The following CACNA1D variants were observed in gnomAD, a reference collection of about 807,000 sequenced individuals.
The protein encoded by CACNA1D is voltage-dependent L-type calcium channel subunit alpha-1D.
Under a neutral mutation model 257.1 loss-of-function variants are expected in CACNA1D, and 55 were observed. The ratio of observed to expected loss-of-function variants is 0.21; its 90% CI spans 0.17 to 0.27. The LOEUF (loss-of-function observed/expected upper bound fraction) is 0.27, where lower values mean the gene tolerates loss of function less well. CACNA1D is among the 10% of genes least tolerant of loss of function. CACNA1D has a pLI of 1.00. For synonymous variants in CACNA1D, 980 were observed against 1,014.9 expected (o/e 0.97, Z 0.65); for missense variants, 1,876 against 2,784.0 (o/e 0.67, Z 7.34).
intron 3 of CACNA1D, among the ~76,000 whole-genome samples, chr3:53,639,859 CTTTTTT>C (rs34925431): frequency 9.8e-6 from 1 of 102,066 alleles, no homozygotes. Flanking sequence ...TCATTTCTTA[CTTTTTT>C]TTTTTTTTTT....
chr3:53,789,507 GA>G lies in CACNA1D; in HGVS notation c.4923+2559del. On this transcript the variant is annotated intron_variant, in intron 40 of 47. Transcript: ENST00000350061. The surrounding 1 kb of genome is among the most constrained non-coding windows in gnomAD (Gnocchi z 4.2). ...TACCGGGTGACGATGTAGCAGTTAG[GA>G]AAATTTGGTGGGACGGCAGTGGGAG... Among the ~76,000 whole-genome samples the G allele has an allele frequency of 6.6e-6, 1 of 152,226 alleles. No individual in the cohort carries two copies. The highest frequency in any genetic ancestry group is 1.9e-4 in the East Asian group (1 of 5,194).
At chr3:53,524,601 A>G (rs769000962) in intron 3 of CACNA1D, among the ~76,000 whole-genome samples, 7 of 152,254 alleles carry the variant, frequency 4.6e-5, no homozygotes, top group Admixed American at 1.3e-4. Context: ...GGGATGTGAC[A>G]TAGGTCAGGG....
intron 3 of CACNA1D, among the ~76,000 whole-genome samples, chr3:53,519,688 A>G (rs530419165): frequency 5.9e-5 from 9 of 152,360 alleles, no homozygotes; most frequent in Non-Finnish European, 8.8e-5. Flanking sequence ...AATTTAAATC[A>G]TACAATTCAG....
At chr3:53,608,726 A>G (rs1000550949) in intron 3 of CACNA1D, among the ~76,000 whole-genome samples, 1 of 152,232 alleles carries the variant, frequency 6.6e-6, no homozygotes, top group Non-Finnish European at 1.5e-5. Context: ...CGTATCTATT[A>G]GAATGGTCAT....
rs1343986409 is a variant in CACNA1D at position 53,555,469 on chromosome 3, T to G, written c.483+53749T>G. 1.8e-3 allele frequency among the ~76,000 whole-genome samples: 271 copies of G among 147,550 alleles called. 2 individuals are homozygous for G. The highest frequency in any genetic ancestry group is 6.8e-3 in the Middle Eastern group (2 of 292). On this transcript the variant is annotated intron_variant, in intron 3 of 47. Transcript: ENST00000350061. ...GTGTGTGTGTGTGTGTGTTTTTTTT[T>G]TTTTTTTTTTTTTCTGAGGTACTTC...
rs1461864281 is a variant in CACNA1D, at chr3:53,495,227, G to A, written c.61G>A (p.Ala21Thr). ...QHQRQQQADH[A>T]NEANYARGTR... ...TCAACGGCAGCAGCAAGCGGACCAC[G>A]CGAACGGTGAGCAGCCAGAGCCCGG... The change falls in exon 1 of 48, where the codon GCG becomes ACG. Residue 21 changes from alanine to threonine, a missense_variant. Ala to Thr is a moderately conservative substitution (Grantham distance 58). This residue lies in a region of CACNA1D where 143 missense variants were observed against 168.7 expected (regional missense o/e 0.85). Transcript: ENST00000350061. The surrounding 1 kb of genome is among the most constrained non-coding windows in gnomAD (Gnocchi z 5.1). 2.5e-6 allele frequency: 4 copies of A among 1,613,694 alleles called. No homozygotes were observed. In the East Asian group the frequency reaches 6.7e-5, roughly 27 times the overall value.
intron 5 of CACNA1D, among the ~76,000 whole-genome samples, chr3:53,662,941 G>T (rs2094219282): frequency 6.6e-6 from 1 of 152,184 alleles, no homozygotes. Flanking sequence ...TAGAAACCTG[G>T]CCATGGGGAT....
At chr3:53,617,525 G>A (rs1287485068) in intron 3 of CACNA1D, among the ~76,000 whole-genome samples, 1 of 152,168 alleles carries the variant, frequency 6.6e-6, no homozygotes, top group Non-Finnish European at 1.5e-5. Flanking sequence ...TGCCTGTAAA[G>A]TACTTAGCAT....
intron 3 of CACNA1D, among the ~76,000 whole-genome samples, chr3:53,538,092 T>C (rs2092167667): frequency 6.6e-6 from 1 of 151,916 alleles, no homozygotes; most frequent in Non-Finnish European, 1.5e-5. Context: ...TTCTGTGACA[T>C]TTATTGGCTT....
chr3:53,730,639 C>T (rs559364663), intron 16 of CACNA1D, 83 bp downstream of exon 16: 8 of 1,029,496 alleles, frequency 7.8e-6, no homozygotes, highest in South Asian at 4.0e-5. Flanking sequence ...GGCTTACCCC[C>T]GCATCACGGC....
At chr3:53,687,518 TAAA>T (rs11297779) in intron 8 of CACNA1D, among the ~76,000 whole-genome samples, 37 of 148,048 alleles carry the variant, frequency 2.5e-4, no homozygotes, top group African/African-American at 7.9e-4. Context: ...TCTTTTTAGT[TAAA>T]AAAAAAAAAA....
At chr3:53,758,335 AG>A (rs753627450) in intron 29 of CACNA1D, among the ~76,000 whole-genome samples, 8 of 152,220 alleles carry the variant, frequency 5.3e-5, no homozygotes, top group Non-Finnish European at 1.0e-4. Flanking sequence ...CAATGACAAA[AG>A]GCACATTATT....
At chr3:53,559,669 C>G (rs962892274) in intron 3 of CACNA1D, among the ~76,000 whole-genome samples, 2 of 152,164 alleles carry the variant, frequency 1.3e-5, no homozygotes, top group African/African-American at 4.8e-5. Context: ...AGGGTCGGAT[C>G]CACAACGAAG....
rs1457280096 is a variant in CACNA1D at position 53,665,674 on chromosome 3, C to G, written c.781C>G (p.Leu261Val). The G allele has an allele frequency of 6.2e-7, 1 of 1,613,026 alleles. No individual in the cohort carries two copies. The highest frequency in any genetic ancestry group is 1.7e-5 in the Admixed American group (1 of 59,988). Residue 261 changes from leucine to valine, a missense_variant, in exon 6 of 48, where the codon CTG becomes GTG. This residue lies in a region of CACNA1D where 188 missense variants were observed against 390.4 expected (regional missense o/e 0.48). Coordinates refer to ENST00000350061, the MANE Select transcript of CACNA1D (RefSeq NM_001128840.3). ...VSGVPSLQVV[L>V]NSIIKAMVPL... ...GTCTTTCCTAGGTTTACAAGTTGTC[C>G]TGAACTCCATTATAAAAGCCATGGT...
chr3:53,689,393 A>C (rs2094500400), intron 8 of CACNA1D, among the ~76,000 whole-genome samples: 1 of 151,768 alleles, frequency 6.6e-6, no homozygotes, highest in South Asian at 2.1e-4. Flanking sequence ...GAGTGTTTGA[A>C]ATAAGGTGAT....
At chr3:53,635,548 G>A (rs2093873214) in intron 3 of CACNA1D, among the ~76,000 whole-genome samples, 1 of 152,134 alleles carries the variant, frequency 6.6e-6, no homozygotes, top group South Asian at 2.1e-4. Context: ...AGGTGTTTGA[G>A]GCTTTTTCCT....
rs181200735 is a variant in CACNA1D, at chr3:53,538,307, G to A, written c.483+36587G>A. On this transcript the variant is annotated intron_variant, in intron 3 of 47. Coordinates refer to ENST00000350061, the MANE Select transcript of CACNA1D (RefSeq NM_001128840.3). The stretch of plus-strand genomic sequence containing the variant: ...GGACTACAGGCGCACGCCACCATGC[G>A]TGCCATGTCTGGCTAATTTTTGTAT... Among the ~76,000 whole-genome samples, 11 of 151,854 alleles carry A rather than the reference G, an allele frequency of 7.2e-5. 1 individual carries two copies. Among genetic ancestry groups the A allele is most frequent in the Admixed American group, 3.9e-4 (6 of 15,254 alleles).
intron 3 of CACNA1D, among the ~76,000 whole-genome samples, chr3:53,640,212 T>C (rs2093935132): frequency 6.6e-6 from 1 of 152,188 alleles, no homozygotes; most frequent in Non-Finnish European, 1.5e-5. Context: ...AGGGTTGACC[T>C]GAACTCCATA....
Position 53,666,343 on chromosome 3 carries a change from C to A in CACNA1D, c.924C>A (p.Ile308=), listed in dbSNP as rs753132052. The part of the protein sequence containing the change: ...HKTCFFADSD[I]VAEEDPAPCA... Reference sequence around the variant, plus strand: ...GCCTGTTTGCTCTGTTTGCAGATATCGTAGCTGAAGAGGACCCAGCTCCAT... The same window carrying A: ...GCCTGTTTGCTCTGTTTGCAGATATAGTAGCTGAAGAGGACCCAGCTCCAT... Residue 308 remains isoleucine, a synonymous_variant, in exon 7 of 48, where the codon ATC becomes ATA. Transcript: ENST00000350061. 6.2e-7 allele frequency: 1 copy of A among 1,613,422 alleles called. No individual in the cohort carries two copies.
Sources: allele counts gnomAD v4.1 joint callset (sites outside exome capture counted in the v4.1 genomes callset), GRCh38; gene constraint gnomAD v4.1.1; regional missense constraint gnomAD v4.1.1; non-coding constraint Gnocchi (gnomAD v3.1); transcripts MANE v1.5; gene names NCBI Gene and HGNC (gene_info 2026-07-23, HGNC 2026-07-21).